The following FCAR variants were observed in gnomAD, a reference collection of about 807,000 sequenced individuals.
FCAR encodes Fc alpha receptor, also known as immunoglobulin alpha Fc receptor.
FCAR carries 21 observed loss-of-function variants against 27.1 expected under a neutral mutation model. The observed-to-expected ratio is 0.77, with a 90% CI of 0.55 to 1.11. The LOEUF (loss-of-function observed/expected upper bound fraction) is 1.11, where lower values mean the gene tolerates loss of function less well. FCAR is among the 50% of genes most tolerant of loss of function. FCAR has a pLI of 0.00. For missense variants in FCAR, 404 were observed against 358.4 expected, an observed-to-expected ratio of 1.13 and a Z score of -1.03; for synonymous variants, 134 against 135.8, an observed-to-expected ratio of 0.99 and a Z score of 0.09.
Position 54,874,575 on chromosome 19 carries a change from A to G in FCAR, c.34+252A>G, listed in dbSNP as rs1232527946. On this transcript the variant is annotated intron_variant, in intron 1 of 4. Transcript: ENST00000355524. ...GTTATCTGGGATTCATGATGGTCCC[A>G]AGGTTCTTATCAAGGAGAGACTTAG... 2.2e-4 allele frequency among the ~76,000 whole-genome samples: 33 copies of G among 152,172 alleles called. 1 individual carries two copies. The highest frequency in any genetic ancestry group is 2.9e-5 in the Non-Finnish European group (2 of 68,030).
At position 54,877,857 on chromosome 19, in the gene FCAR, T is replaced by A. The variant is rs367647585; in HGVS notation, c.70+2492T>A. On this transcript the variant is annotated intron_variant, in intron 2 of 4. Coordinates refer to ENST00000355524, the MANE Select transcript of FCAR (RefSeq NM_002000.4). ...GTACAGTTTTGAGTGGTTTTCTTAG[T>A]ATTTATTCCTATTTTTATTCCACTG... 1.9e-4 allele frequency among the ~76,000 whole-genome samples: 29 copies of A among 152,188 alleles called. No homozygotes were observed. The East Asian group carries it at 5.6e-3, about 29-fold the overall frequency.
chr19:54,883,769 A>C (rs965579049), intron 2 of FCAR, among the ~76,000 whole-genome samples: 1 of 152,100 alleles, frequency 6.6e-6, no homozygotes, highest in African/African-American at 2.4e-5. Context: ...CCTGGATAAC[A>C]TGGTGAAACC....
At position 54,890,840 on chromosome 19, in the gene FCAR, C is replaced by G. The variant is rs1195810998; in HGVS notation, c.*977C>G. The stretch of plus-strand genomic sequence containing the variant: ...TTTTTTTGTTGAAGTGAGGCTCTCC[C>G]TATGTTGCCTAAGCTGGTCTTGAAC... On this transcript the variant is annotated 3_prime_UTR_variant, in exon 5 of 5. Coordinates refer to ENST00000355524, the MANE Select transcript of FCAR (RefSeq NM_002000.4). 1 of 152,000 alleles carries G rather than the reference C, an allele frequency of 6.6e-6. No individual in the cohort carries two copies. Among genetic ancestry groups the G allele is most frequent in the Non-Finnish European group, 1.5e-5 (1 of 68,002 alleles). The allele number at this position is 152,000 out of a possible 1,614,324, so 9.4% of individuals were successfully genotyped here. A position where few individuals can be genotyped will look rare whatever the true frequency, so the allele number is the denominator to read the frequency against.
At chr19:54,877,344 A>C (rs887912403) in intron 2 of FCAR, among the ~76,000 whole-genome samples, 3 of 152,196 alleles carry the variant, frequency 2.0e-5, no homozygotes, top group African/African-American at 7.2e-5. Flanking sequence ...GTATGTGTCC[A>C]GGAATTTCTC....
intron 3 of FCAR, among the ~76,000 whole-genome samples, chr19:54,886,474 A>T (rs971819813): frequency 1.3e-5 from 2 of 150,946 alleles, no homozygotes; most frequent in African/African-American, 4.9e-5. Flanking sequence ...CGCCTGGCTA[A>T]TTTTTTGTAT....
intron 1 of FCAR, among the ~76,000 whole-genome samples, chr19:54,874,896 C>T (rs765834697): frequency 2.0e-5 from 3 of 152,022 alleles, no homozygotes; most frequent in East Asian, 1.9e-4. Context: ...CTTGGCCGGG[C>T]GCAGTGGCTC....
chr19:54,879,157 G>A (rs587743385), intron 2 of FCAR, among the ~76,000 whole-genome samples: 8 of 152,046 alleles, frequency 5.3e-5, no homozygotes, highest in African/African-American at 7.2e-5. Context: ...GGTTACAGGC[G>A]TGAGCCACTG....
intron 2 of FCAR, among the ~76,000 whole-genome samples, chr19:54,878,427 T>C (rs2066220564): frequency 6.6e-6 from 1 of 152,188 alleles, no homozygotes; most frequent in Non-Finnish European, 1.5e-5. Flanking sequence ...AGTCTCCCCC[T>C]ATTATTGTGT....
chr19:54,875,677 T>A (rs587725836), intron 2 of FCAR, among the ~76,000 whole-genome samples: 1 of 152,242 alleles, frequency 6.6e-6, no homozygotes, highest in South Asian at 2.1e-4. Flanking sequence ...TCCTTCCTTA[T>A]GCTGATTCTA....
intron 3 of FCAR, among the ~76,000 whole-genome samples, chr19:54,887,227 C>G (rs2066787463): frequency 6.6e-6 from 1 of 152,132 alleles, no homozygotes; most frequent in Non-Finnish European, 1.5e-5. Context: ...GTAGGATCAC[C>G]TGAGCCTGGG....
Position 54,889,752 on chromosome 19 carries a change from C to A in FCAR, c.753C>A (p.Ser251Arg), listed in dbSNP as rs781322512. 36 of 1,613,848 alleles carry A rather than the reference C, an allele frequency of 2.2e-5. 1 individual carries two copies. In the South Asian group the frequency reaches 4.0e-4, roughly 18 times the overall value. Reference protein sequence around the residue: ...LLAILVENWHSHTALNKEASA... With the variant: ...LLAILVENWHRHTALNKEASA... ...CCATACTGGTTGAAAATTGGCACAG[C>A]CATACGGCACTGAACAAGGAAGCCT... is the stretch of plus-strand genomic sequence containing the variant. Residue 251 changes from serine (S) to arginine (R), a missense_variant, in exon 5 of 5, where the codon AGC becomes AGA. Physicochemically the swap from Ser to Arg is moderately radical, Grantham distance 110 (BLOSUM62 -1). Transcript: ENST00000355524.
chr19:54,874,937 A>G (rs1357405135), intron 1 of FCAR, among the ~76,000 whole-genome samples: 1 of 152,056 alleles, frequency 6.6e-6, no homozygotes, highest in Admixed American at 6.6e-5. Context: ...TTGGGAGGCC[A>G]AGGCAGGCGG....
Position 54,888,157 on chromosome 19 carries a change from G to A in FCAR, c.512G>A (p.Ser171Asn). 1 of 1,614,200 alleles carries A rather than the reference G, an allele frequency of 6.2e-7. No homozygotes were observed. The highest frequency in any genetic ancestry group is 8.5e-7 in the Non-Finnish European group (1 of 1,180,032). Reference sequence around the variant, plus strand: ...GAACTTTCTCTGCCACAGCACCAAAGTGGGGAACACCCGGCCAACTTCTCT... The same window carrying A: ...GAACTTTCTCTGCCACAGCACCAAAATGGGGAACACCCGGCCAACTTCTCT... ...EGELSLPQHQ[S>N]GEHPANFSLG... is the part of the protein sequence containing the mutation. The change falls in exon 4 of 5, where the codon AGT (serine) becomes AAT (asparagine). Residue 171 changes from serine to asparagine, a missense_variant. Coordinates refer to ENST00000355524, the MANE Select transcript of FCAR (RefSeq NM_002000.4).
At position 54,888,226 on chromosome 19, in the gene FCAR, A is replaced by G; in HGVS notation, c.581A>G (p.Tyr194Cys). The change falls in exon 4 of 5, where the codon TAC (tyrosine) becomes TGC (cysteine). Residue 194 changes from tyrosine (Y) to cysteine (C), a missense_variant. By Grantham distance (194) the Tyr-to-Cys change is radical (BLOSUM62 -2). Coordinates refer to ENST00000355524, the MANE Select transcript of FCAR (RefSeq NM_002000.4). ...AATGTCTCAGGGATCTACAGGTGCT[A>G]CGGTTGGTACAACAGGAGCCCCTAC... ...DLNVSGIYRCYGWYNRSPYLW... is the reference protein window; with the variant it reads ...DLNVSGIYRCCGWYNRSPYLW... The G allele has an allele frequency of 6.2e-7, 1 of 1,614,134 alleles. No individual in the cohort carries two copies. Among genetic ancestry groups the G allele is most frequent in the African/African-American group, 1.3e-5 (1 of 75,054 alleles).
chr19:54,881,764 C>T (rs1219962228), intron 2 of FCAR, among the ~76,000 whole-genome samples: 1 of 151,974 alleles, frequency 6.6e-6, no homozygotes, highest in African/African-American at 2.4e-5. Flanking sequence ...CCCAGCTACT[C>T]GGGAGGAGGA....
At chr19:54,887,923 A>T (rs1010629615) in intron 3 of FCAR, 84 bp from the exon 4 acceptor site, 2 of 1,149,454 alleles carry the variant, frequency 1.7e-6, no homozygotes, top group African/African-American at 1.6e-5. Flanking sequence ...ATCTCAAAAA[A>T]ATATATAATA....
Position 54,889,696 on chromosome 19 carries a change from G to A in FCAR, c.697G>A (p.Val233Met), listed in dbSNP as rs780512814. ...GACGCAGAACTTGATCCGCATGGCC[G>A]TGGCAGGACTGGTCCTCGTGGCTCT... is the stretch of plus-strand genomic sequence containing the variant. Reference protein sequence around the residue: ...YTTQNLIRMAVAGLVLVALLA... With the variant: ...YTTQNLIRMAMAGLVLVALLA... The change falls in exon 5 of 5, where the codon GTG (valine) becomes ATG (methionine). Residue 233 changes from valine to methionine, a missense_variant. Coordinates refer to ENST00000355524, the MANE Select transcript of FCAR (RefSeq NM_002000.4). The A allele has an allele frequency of 4.5e-5, 72 of 1,613,980 alleles. No homozygotes were observed. The highest frequency in any genetic ancestry group is 1.6e-4 in the Middle Eastern group (1 of 6,084).
chr19:54,882,889 G>A (rs1162933071), intron 2 of FCAR, among the ~76,000 whole-genome samples: 12 of 151,920 alleles, frequency 7.9e-5, no homozygotes, highest in Admixed American at 7.9e-4. Context: ...TCCCTTCATT[G>A]TATACTGGCA....
intron 2 of FCAR, among the ~76,000 whole-genome samples, chr19:54,875,881 C>T (rs1188022334): frequency 2.0e-5 from 3 of 152,188 alleles, no homozygotes; most frequent in Non-Finnish European, 2.9e-5. Context: ...AGCCCCACGT[C>T]CATCCATGTC....
Sources: gnomAD v4.1 joint callset for allele counts (sites outside exome capture counted in the v4.1 genomes callset) on GRCh38, gnomAD v4.1.1 for gene constraint, MANE v1.5 for transcripts, NCBI Gene and HGNC (gene_info 2026-07-23, HGNC 2026-07-21) for gene names.